OPHN1: variants seen among roughly 807,000 people sequenced by gnomAD.
The protein encoded by OPHN1 is oligophrenin 1, also known as oligophrenin-1.
Under a neutral mutation model 60.7 loss-of-function variants are expected in OPHN1, and 11 were observed. That is an observed-to-expected ratio of 0.18 (90% confidence interval 0.11 to 0.30). The LOEUF (loss-of-function observed/expected upper bound fraction) is 0.30, where lower values mean the gene tolerates loss of function less well. Among genes scored for constraint, OPHN1 ranks in the 10% least tolerant of loss-of-function variants. The pLI, the probability that OPHN1 is intolerant of heterozygous loss-of-function variation, is 1.00. For missense variants in OPHN1, 449 were observed against 611.0 expected, an observed-to-expected ratio of 0.73 and a Z score of 2.80; for synonymous variants, 226 against 222.6, an observed-to-expected ratio of 1.02 and a Z score of -0.14.
chrX:68,220,290 T>C (rs1412849547), intron 6 of OPHN1, among the ~76,000 whole-genome samples: 7 of 108,223 alleles, frequency 6.5e-5, no homozygotes, highest in African/African-American at 2.0e-4. Flanking sequence ...CAATAATCAA[T>C]AGCTTAGCAA....
At chrX:68,113,029 G>A in intron 17 of OPHN1, 152 bp downstream of exon 17, 1 of 463,329 alleles carries the variant, frequency 2.2e-6, no homozygotes, top group East Asian at 3.7e-5. Flanking sequence ...CAGCAAGCAA[G>A]AATACTTTCA....
chrX:68,193,778 A>T (rs779986914), intron 14 of OPHN1, 112 bp downstream of exon 14: 16 of 649,234 alleles, frequency 2.5e-5, no homozygotes, highest in Non-Finnish European at 3.3e-5. Flanking sequence ...CATCTACTAC[A>T]CAAGCTTTAT....
At chrX:68,393,897 T>TTTTTG (rs1159724806) in intron 2 of OPHN1, among the ~76,000 whole-genome samples, 11 of 74,717 alleles carry the variant, frequency 1.5e-4, no homozygotes, top group Non-Finnish European at 2.1e-4. Flanking sequence ...TTTTTTTTTT[T>TTTTTG]TTTTTTTTTT....
intron 2 of OPHN1, among the ~76,000 whole-genome samples, chrX:68,327,066 C>T (rs1335124811): frequency 2.7e-5 from 1 of 36,946 alleles, no homozygotes; most frequent in African/African-American, 6.0e-4. Flanking sequence ...CCGCCCTATC[C>T]AGGAGGTGAG....
chrX:68,057,834 T>C (rs896233044), intron 21 of OPHN1, among the ~76,000 whole-genome samples: 1 of 111,458 alleles, frequency 9.0e-6, no homozygotes, highest in Non-Finnish European at 1.9e-5. Context: ...AAACCTGGAT[T>C]CTATGATTAA....
At chrX:68,128,293 G>A (rs977332370) in intron 15 of OPHN1, among the ~76,000 whole-genome samples, 3 of 110,882 alleles carry the variant, frequency 2.7e-5, no homozygotes, top group South Asian at 3.9e-4. Flanking sequence ...GGGCTCAGGC[G>A]ATCCTCTCGC....
At chrX:68,133,096 G>T in intron 15 of OPHN1, 1 of 566,171 alleles carries the variant, frequency 1.8e-6, no homozygotes. Flanking sequence ...AAATTTTTCA[G>T]AACATAAAAC....
At chrX:68,266,875 A>G (rs1023180907) in intron 5 of OPHN1, among the ~76,000 whole-genome samples, 1 of 111,430 alleles carries the variant, frequency 9.0e-6, no homozygotes, top group African/African-American at 3.3e-5. Flanking sequence ...AGGGTTTGCA[A>G]TCCTAGTCTC....
intron 5 of OPHN1, among the ~76,000 whole-genome samples, chrX:68,259,422 C>T (rs758505245): frequency 9.0e-6 from 1 of 110,713 alleles, no homozygotes; most frequent in South Asian, 3.9e-4. Context: ...CTGTACTCCA[C>T]CCTGGGCAAC....
chrX:68,317,079 G>C (rs1191220296), intron 2 of OPHN1, among the ~76,000 whole-genome samples: 1 of 109,477 alleles, frequency 9.1e-6, no homozygotes, highest in Non-Finnish European at 1.9e-5. Context: ...CATGTGGATT[G>C]CTTGAGCCCA....
intron 6 of OPHN1, 70 bp downstream of exon 6, chrX:68,234,417 A>C (rs946923824): frequency 7.4e-5 from 61 of 827,599 alleles, no homozygotes; most frequent in Non-Finnish European, 1.1e-4. Flanking sequence ...AAAGCCTTGC[A>C]GTACAAAATT....
At chrX:68,100,582 T>C (rs1023286263) in intron 18 of OPHN1, among the ~76,000 whole-genome samples, 1 of 110,626 alleles carries the variant, frequency 9.0e-6, no homozygotes, top group African/African-American at 3.3e-5. Flanking sequence ...ACATAATACT[T>C]CCCTATACTG....
At chrX:68,295,583 A>G (rs892652441) in intron 3 of OPHN1, among the ~76,000 whole-genome samples, 1 of 112,909 alleles carries the variant, frequency 8.9e-6, no homozygotes, top group South Asian at 3.6e-4. Context: ...CTTTGGTTAC[A>G]GAGACATAGA....
chrX:68,230,770 G>T (rs1399820387), intron 6 of OPHN1, among the ~76,000 whole-genome samples: 2 of 76,017 alleles, frequency 2.6e-5, no homozygotes, highest in African/African-American at 4.9e-5. Flanking sequence ...GACGTGGGGT[G>T]GGGGGAGGGG....
At chrX:68,151,947 AG>A (rs1388722708) in intron 15 of OPHN1, among the ~76,000 whole-genome samples, 1 of 111,047 alleles carries the variant, frequency 9.0e-6, no homozygotes, top group African/African-American at 3.3e-5. Context: ...TGGAAGGTGA[AG>A]GGGAAGCAGG....
chrX:68,377,093 C>T (rs1479581826), intron 2 of OPHN1, among the ~76,000 whole-genome samples: 2 of 95,421 alleles, frequency 2.1e-5, no homozygotes, highest in African/African-American at 4.3e-5. Flanking sequence ...ACACATGCAG[C>T]TAATTTTTTT....
chrX:68,242,368 C>T (rs936385607), intron 5 of OPHN1, among the ~76,000 whole-genome samples: 1 of 110,682 alleles, frequency 9.0e-6, no homozygotes, highest in Non-Finnish European at 1.9e-5. Context: ...GGGTGACAGG[C>T]TGAGATCCTG....
chrX:68,070,481 C>G, intron 20 of OPHN1: 2 of 588,692 alleles, frequency 3.4e-6, no homozygotes. Context: ...GCTAAGTTGA[C>G]TTAGGGGCTG....
chrX:68,244,454 T>C (rs771819321), intron 5 of OPHN1, among the ~76,000 whole-genome samples: 11 of 112,391 alleles, frequency 9.8e-5, no homozygotes, highest in Non-Finnish European at 1.7e-4. Context: ...AAGGTCTACA[T>C]AAGCAGAGAC....
Sources: allele counts gnomAD v4.1 joint callset (sites outside exome capture counted in the v4.1 genomes callset), GRCh38; gene constraint gnomAD v4.1.1; transcripts MANE v1.5; gene names NCBI Gene and HGNC (gene_info 2026-07-23, HGNC 2026-07-21).